The following UMAD1 variants were observed in gnomAD, a reference collection of about 807,000 sequenced individuals.
UMAD1 encodes the protein UBAP1-MVB12-associated (UMA) domain containing 1, also known as UBAP1-MVB12-associated (UMA)-domain containing protein 1.
In UMAD1, 8 loss-of-function variants were observed where a neutral mutation model predicts 6.1. The ratio of observed to expected loss-of-function variants is 1.30; its 90% CI spans 0.76 to 2.35. The LOEUF (loss-of-function observed/expected upper bound fraction) is 2.35, where lower values mean the gene tolerates loss of function less well. UMAD1 is among the 30% of genes most tolerant of loss of function. UMAD1 has a pLI of 0.00. For synonymous variants in UMAD1, 56 were observed against 31.4 expected, an observed-to-expected ratio of 1.78 and a Z score of -2.61; for missense variants, 130 against 78.4, an observed-to-expected ratio of 1.66 and a Z score of -2.49.
intron 2 of UMAD1, among the ~76,000 whole-genome samples, chr7:7,677,135 G>A (rs1211432375): frequency 6.6e-6 from 1 of 151,984 alleles, no homozygotes; most frequent in African/African-American, 2.4e-5. Context: ...CGTAATAGTT[G>A]TATATATTTA....
intron 2 of UMAD1, among the ~76,000 whole-genome samples, chr7:7,745,530 T>C (rs1313385014): frequency 6.9e-6 from 1 of 144,198 alleles, no homozygotes; most frequent in Non-Finnish European, 1.5e-5. Flanking sequence ...GCTAATGTAC[T>C]AGACACTGTG....
intron 2 of UMAD1, among the ~76,000 whole-genome samples, chr7:7,708,418 C>G (rs918888137): frequency 6.6e-6 from 1 of 152,058 alleles, no homozygotes; most frequent in Non-Finnish European, 1.5e-5. Flanking sequence ...AAACAGTTAC[C>G]CAAGTGTCAG....
At chr7:7,717,261 T>A (rs1001584256) in intron 2 of UMAD1, among the ~76,000 whole-genome samples, 2 of 152,046 alleles carry the variant, frequency 1.3e-5, no homozygotes, top group African/African-American at 4.8e-5. Flanking sequence ...TTCACCACGT[T>A]GGCCTGGCTG....
At chr7:7,799,652 C>T (rs945068853) in intron 2 of UMAD1, among the ~76,000 whole-genome samples, 3 of 152,176 alleles carry the variant, frequency 2.0e-5, no homozygotes, top group African/African-American at 7.2e-5. Flanking sequence ...TTAAACACAA[C>T]GTTGACCTTG....
chr7:7,842,137 T>G (rs1025839959), intron 3 of UMAD1, among the ~76,000 whole-genome samples: 1 of 152,226 alleles, frequency 6.6e-6, no homozygotes. Flanking sequence ...AGCAACATCT[T>G]TGTCCTCATT....
chr7:7,762,241 T>C (rs1478986631), intron 2 of UMAD1, among the ~76,000 whole-genome samples: 1 of 152,160 alleles, frequency 6.6e-6, no homozygotes, highest in East Asian at 1.9e-4. Context: ...GTGTGTCTAA[T>C]TCGGAGAACT....
chr7:7,765,921 A>G (rs10085913), intron 2 of UMAD1, among the ~76,000 whole-genome samples: 31,756 of 151,988 alleles, frequency 0.21, 4,425 homozygotes, highest in African/African-American at 0.4. Flanking sequence ...AATACTTATT[A>G]ATTTCTTAGT....
chr7:7,694,103 T>C (rs889727426), intron 2 of UMAD1, among the ~76,000 whole-genome samples: 1 of 152,180 alleles, frequency 6.6e-6, no homozygotes, highest in Non-Finnish European at 1.5e-5. Flanking sequence ...AGGGGCACTA[T>C]GAAGTAGTTG....
At chr7:7,649,257 C>T (rs1785168281) in intron 1 of UMAD1, among the ~76,000 whole-genome samples, 2 of 151,916 alleles carry the variant, frequency 1.3e-5, no homozygotes, top group Non-Finnish European at 2.9e-5. Flanking sequence ...TCCAGGGACC[C>T]ACATCTGGCA....
At chr7:7,654,526 A>G (rs1785297141) in intron 1 of UMAD1, among the ~76,000 whole-genome samples, 1 of 152,174 alleles carries the variant, frequency 6.6e-6, no homozygotes, top group South Asian at 2.1e-4. Context: ...ATGGTATAGT[A>G]TTTGTATATA....
At chr7:7,852,761 C>T (rs150097959) in intron 3 of UMAD1, among the ~76,000 whole-genome samples, 127 of 152,256 alleles carry the variant, frequency 8.3e-4, no homozygotes, top group African/African-American at 3.0e-3. Flanking sequence ...AGAAGCCCCC[C>T]GAACCCTGTC....
intron 2 of UMAD1, among the ~76,000 whole-genome samples, chr7:7,770,516 GCT>G (rs1234011850): frequency 2.6e-5 from 4 of 152,252 alleles, no homozygotes; most frequent in African/African-American, 9.6e-5. Context: ...AGGAACATTG[GCT>G]GTGATGTTGA....
At chr7:7,716,815 G>C (rs917415709) in intron 2 of UMAD1, among the ~76,000 whole-genome samples, 2 of 152,094 alleles carry the variant, frequency 1.3e-5, no homozygotes, top group East Asian at 1.9e-4. Context: ...GCATGGTGGC[G>C]GGCGCCCATA....
chr7:7,832,392 C>T (rs1281634556), intron 3 of UMAD1, among the ~76,000 whole-genome samples: 1 of 152,096 alleles, frequency 6.6e-6, no homozygotes, highest in Non-Finnish European at 1.5e-5. Context: ...CATCTTATAT[C>T]CTCCTTACTC....
At chr7:7,876,920 T>C (rs551036495) in intron 3 of UMAD1, among the ~76,000 whole-genome samples, 6 of 152,174 alleles carry the variant, frequency 3.9e-5, no homozygotes, top group Admixed American at 6.5e-5. Context: ...TTGTACTCCA[T>C]TGATACAAGA....
chr7:7,741,608 TAATAATAAA>T (rs1237873649), intron 2 of UMAD1, among the ~76,000 whole-genome samples: 25 of 130,696 alleles, frequency 1.9e-4, no homozygotes, highest in Non-Finnish European at 2.9e-4. Context: ...ATAATAATAA[TAATAATAAA>T]AATAATAAAA....
intron 3 of UMAD1, among the ~76,000 whole-genome samples, chr7:7,813,977 T>C (rs1175701275): frequency 6.6e-6 from 1 of 150,614 alleles, no homozygotes; most frequent in Non-Finnish European, 1.5e-5. Context: ...TAATTTCATA[T>C]TGCTTTTTAT....
rs994540230 is a variant in UMAD1, at chr7:7,877,278, T to C, written c.157-3T>C. ...TAAATGTTTTAAATGTATGTATTTT[T>C]AGACCAACAAAGAAAATTCATCCAG... On this transcript the variant is annotated splice_polypyrimidine_tract_variant and splice_region_variant and intron_variant, in intron 3 of 3. Coordinates refer to ENST00000682710, the MANE Select transcript of UMAD1 (RefSeq NM_001302348.2). 1.4e-6 allele frequency: 1 copy of C among 711,938 alleles called. No individual in the cohort carries two copies. Among genetic ancestry groups the C allele is most frequent in the East Asian group, 2.7e-5 (1 of 37,130 alleles). 44.1% of individuals were successfully genotyped at this position (711,938 alleles called of 1,614,324 possible).
chr7:7,741,299 C>T (rs946589099), intron 2 of UMAD1, among the ~76,000 whole-genome samples: 8 of 151,490 alleles, frequency 5.3e-5, no homozygotes, highest in South Asian at 2.1e-4. Context: ...TGGCCTGGCG[C>T]GGTGGCTCAC....
Sources: allele counts gnomAD v4.1 joint callset (sites outside exome capture counted in the v4.1 genomes callset), GRCh38; gene constraint gnomAD v4.1.1; transcripts MANE v1.5; gene names NCBI Gene and HGNC (gene_info 2026-07-23, HGNC 2026-07-21).